SYNCRIP: variants seen among roughly 807,000 people sequenced by gnomAD.
The protein encoded by SYNCRIP is heterogeneous nuclear ribonucleoprotein Q.
SYNCRIP carries 9 observed loss-of-function variants against 68.9 expected under a neutral mutation model. The observed-to-expected ratio is 0.13, with a 90% CI of 0.08 to 0.23. The LOEUF (loss-of-function observed/expected upper bound fraction) is 0.23. SYNCRIP is among the 10% of genes least tolerant of loss of function. SYNCRIP has a pLI of 1.00. For missense variants in SYNCRIP, 414 were observed against 770.6 expected (o/e 0.54, Z 5.48); for synonymous variants, 258 against 254.0 (o/e 1.02, Z -0.15).
rs754973819 is a variant in SYNCRIP, at chr6:85,640,201, G to T, written c.375+20C>A. Reference sequence around the variant, plus strand: ...CAGTTAAAATGACTTTAAAACTAAAGGGAGTATAGAAAGACATACCTTAAT... The same window carrying T: ...CAGTTAAAATGACTTTAAAACTAAATGGAGTATAGAAAGACATACCTTAAT... On this transcript the variant is annotated intron_variant, in intron 4 of 10. Coordinates refer to ENST00000369622, the MANE Select transcript of SYNCRIP (RefSeq NM_006372.5). The T allele has an allele frequency of 1.3e-6, 2 of 1,525,788 alleles. No individual in the cohort carries two copies. Among genetic ancestry groups the T allele is most frequent in the South Asian group, 1.1e-5 (1 of 87,298 alleles). The allele number at this position is 1,525,788 out of a possible 1,614,324, so 94.5% of individuals were successfully genotyped here. A position where few individuals can be genotyped will look rare whatever the true frequency, so the allele number is the denominator to read the frequency against.
intron 6 of SYNCRIP, among the ~76,000 whole-genome samples, chr6:85,629,148 A>G (rs899610717): frequency 3.9e-5 from 6 of 152,058 alleles, no homozygotes; most frequent in African/African-American, 1.4e-4. Context: ...CTTTATTACA[A>G]GTTTTATTTC....
chr6:85,628,453 A>G (rs1807317379), intron 6 of SYNCRIP, among the ~76,000 whole-genome samples: 1 of 152,220 alleles, frequency 6.6e-6, no homozygotes, highest in African/African-American at 2.4e-5. Context: ...CATTTCATAT[A>G]CCTGGCACAC....
intron 6 of SYNCRIP, among the ~76,000 whole-genome samples, chr6:85,629,014 T>C (rs1293691404): frequency 5.3e-5 from 8 of 152,188 alleles, no homozygotes; most frequent in Non-Finnish European, 1.2e-4. Context: ...CTGGCCTTTA[T>C]TGTCTTTATT....
chr6:85,624,144 A>T, intron 6 of SYNCRIP, 32 bp from the exon 7 acceptor site: 2 of 1,594,358 alleles, frequency 1.3e-6, no homozygotes, highest in Middle Eastern at 1.7e-4. Context: ...CATGTTTTTA[A>T]ATTACTTATA....
At position 85,640,527 on chromosome 6, in the gene SYNCRIP, A is replaced by T; in HGVS notation, c.186T>A (p.Ile62=). The T allele has an allele frequency of 6.2e-7, 1 of 1,605,656 alleles. No homozygotes were observed. The highest frequency in any genetic ancestry group is 8.5e-7 in the Non-Finnish European group (1 of 1,177,512). ...VAHSDLDERA[I]EALKEFNEDG... ...CTTCATTGAATTCTTTTAAAGCTTC[A>T]ATAGCTCTTTCATCTAAATCACTAT... The change falls in exon 3 of 11, where the codon ATT becomes ATA. Residue 62 remains isoleucine (I), a synonymous_variant. Coordinates refer to ENST00000369622, the MANE Select transcript of SYNCRIP (RefSeq NM_006372.5).
At position 85,618,806 on chromosome 6, in the gene SYNCRIP, A is replaced by G. The variant is rs772732320; in HGVS notation, c.1280+12T>C. On this transcript the variant is annotated intron_variant, in intron 10 of 10. Transcript: ENST00000369622. The stretch of plus-strand genomic sequence containing the variant: ...AATTTATACAATTTTTAAGTATACA[A>G]ATTTCACTCACATTTGATTTTTTGC... 3 of 1,581,464 alleles carry G rather than the reference A, an allele frequency of 1.9e-6. No homozygotes were observed. The highest frequency in any genetic ancestry group is 1.8e-5 in the Admixed American group (1 of 56,266).
intron 6 of SYNCRIP, among the ~76,000 whole-genome samples, chr6:85,634,174 T>C (rs1350164104): frequency 6.6e-6 from 1 of 152,192 alleles, no homozygotes; most frequent in East Asian, 1.9e-4. Context: ...AATTTTATAA[T>C]TTAACGTATT....
At chr6:85,625,270 C>T (rs2128288351) in intron 6 of SYNCRIP, among the ~76,000 whole-genome samples, 1 of 152,180 alleles carries the variant, frequency 6.6e-6, no homozygotes, top group South Asian at 2.1e-4. Context: ...ACTTCTATTT[C>T]TCTACATTTA....
chr6:85,639,719 T>G (rs1037644123), intron 4 of SYNCRIP, among the ~76,000 whole-genome samples: 5 of 152,106 alleles, frequency 3.3e-5, no homozygotes, highest in Admixed American at 2.0e-4. Context: ...AAAAAAAGCC[T>G]CCTCCTCCTA....
chr6:85,612,775 T>C, downstream of SYNCRIP: 1 of 1,192,350 alleles, frequency 8.4e-7, no homozygotes, highest in Non-Finnish European at 1.1e-6. Context: ...GAAGGTCTTC[T>C]GCAATAGAAT....
intron 4 of SYNCRIP, among the ~76,000 whole-genome samples, chr6:85,638,854 C>A (rs1363442081): frequency 1.3e-5 from 2 of 152,150 alleles, no homozygotes; most frequent in Non-Finnish European, 2.9e-5. Flanking sequence ...AAAACTTATT[C>A]CCTCTGTCAA....
At chr6:85,629,144 T>C (rs1356763170) in intron 6 of SYNCRIP, among the ~76,000 whole-genome samples, 2 of 152,106 alleles carry the variant, frequency 1.3e-5, no homozygotes, top group Admixed American at 6.6e-5. Context: ...CTGACTTTAT[T>C]ACAAGTTTTA....
At chr6:85,640,678 T>G (rs1003490257) in intron 2 of SYNCRIP, 114 bp from the exon 3 acceptor site, 8 of 549,424 alleles carry the variant, frequency 1.5e-5, no homozygotes, top group Non-Finnish European at 2.1e-5. Flanking sequence ...ACTCCCCTCA[T>G]CTATACCTGA....
chr6:85,639,602 G>A (rs751401333), intron 4 of SYNCRIP, among the ~76,000 whole-genome samples: 23 of 151,948 alleles, frequency 1.5e-4, no homozygotes, highest in African/African-American at 3.9e-4. Context: ...AGCACACCAG[G>A]TTAAAAAGTA....
Position 85,640,426 on chromosome 6 carries a change from C to G in SYNCRIP, c.267+20G>C. On this transcript the variant is annotated intron_variant, in intron 3 of 10. Coordinates refer to ENST00000369622, the MANE Select transcript of SYNCRIP (RefSeq NM_006372.5). ...AAAACTACTCAAATTTTTTAATTTTCACATTGACATTAACATTACCTGAAC... is the reference window on the plus strand; with the variant it reads ...AAAACTACTCAAATTTTTTAATTTTGACATTGACATTAACATTACCTGAAC... The G allele has an allele frequency of 1.3e-6, 2 of 1,588,970 alleles. No individual in the cohort carries two copies. The highest frequency in any genetic ancestry group is 1.7e-6 in the Non-Finnish European group (2 of 1,164,998).
chr6:85,625,014 T>C (rs1806876605), intron 6 of SYNCRIP, among the ~76,000 whole-genome samples: 2 of 152,192 alleles, frequency 1.3e-5, no homozygotes, highest in African/African-American at 2.4e-5. Context: ...TACAACTTTA[T>C]AGAAATACCT....
downstream of SYNCRIP, chr6:85,607,925 G>T (rs1804961399): frequency 6.6e-6 from 1 of 152,030 alleles, no homozygotes; most frequent in Admixed American, 6.6e-5. Flanking sequence ...TGCACTAAGT[G>T]ACCTAAAAAG....
At chr6:85,625,958 A>G (rs1312498550) in intron 6 of SYNCRIP, among the ~76,000 whole-genome samples, 1 of 152,214 alleles carries the variant, frequency 6.6e-6, no homozygotes, top group African/African-American at 2.4e-5. Flanking sequence ...TCTACTGGGT[A>G]GACAGAAGGA....
intron 6 of SYNCRIP, among the ~76,000 whole-genome samples, chr6:85,628,753 T>G (rs1807356511): frequency 6.6e-6 from 1 of 152,214 alleles, no homozygotes; most frequent in African/African-American, 2.4e-5. Flanking sequence ...ATACTTAACT[T>G]TAGTCAATTC....
Sources: gnomAD v4.1 joint callset for allele counts (sites outside exome capture counted in the v4.1 genomes callset) on GRCh38, gnomAD v4.1.1 for gene constraint, MANE v1.5 for transcripts, NCBI Gene and HGNC (gene_info 2026-07-23, HGNC 2026-07-21) for gene names.